Variants in CTTNBP2NL observed in about 807,000 individuals in gnomAD.
CTTNBP2NL encodes CTTNBP2 N-terminal like, also known as CTTNBP2 N-terminal-like protein.
In CTTNBP2NL, 16 loss-of-function variants were observed where a neutral mutation model predicts 32.5. That is an observed-to-expected ratio of 0.49 (90% CI 0.33 to 0.75). CTTNBP2NL has a LOEUF of 0.75. CTTNBP2NL is among the 30% of genes least tolerant of loss of function. The pLI is 0.02. For missense variants in CTTNBP2NL, 645 were observed against 756.0 expected (o/e 0.85, Z 1.72); for synonymous variants, 298 against 289.4 (o/e 1.03, Z -0.30).
intron 3 of CTTNBP2NL, among the ~76,000 whole-genome samples, chr1:112,430,721 T>A (rs1245577168): frequency 6.6e-6 from 1 of 152,010 alleles, no homozygotes; most frequent in Non-Finnish European, 1.5e-5. Flanking sequence ...GTCCAGCTAA[T>A]TTTTTTGTAT....
chr1:112,443,704 G>A (rs1209235730), intron 3 of CTTNBP2NL, among the ~76,000 whole-genome samples: 1 of 152,042 alleles, frequency 6.6e-6, no homozygotes, highest in African/African-American at 2.4e-5. Context: ...TTTAATTTTT[G>A]TACTATTTTC....
At chr1:112,447,148 C>T (rs1401052746) in intron 3 of CTTNBP2NL, among the ~76,000 whole-genome samples, 2 of 151,812 alleles carry the variant, frequency 1.3e-5, no homozygotes, top group African/African-American at 4.8e-5. Flanking sequence ...GTGGTGGGCA[C>T]CTGTAGTCCC....
chr1:112,405,806 A>G (rs1435956743), intron 1 of CTTNBP2NL, among the ~76,000 whole-genome samples: 1 of 152,224 alleles, frequency 6.6e-6, no homozygotes, highest in African/African-American at 2.4e-5. Context: ...GATATAGCAG[A>G]GTTGCATGAG....
rs1369378062 is a variant in CTTNBP2NL at position 112,400,631 on chromosome 1, A to G, written c.-134+4359A>G. Among the ~76,000 whole-genome samples the G allele has an allele frequency of 2.6e-5, 4 of 152,170 alleles. No individual in the cohort carries two copies. The South Asian group carries it at 8.3e-4, about 31-fold the overall frequency. On this transcript the variant is annotated intron_variant, in intron 1 of 5. Transcript: ENST00000271277. ...AACATGGAGAAACCCCATCTCTACT[A>G]AAAATACAAAATTAACAGGGTGTGG...
At chr1:112,422,638 T>C (rs927328599) in intron 3 of CTTNBP2NL, among the ~76,000 whole-genome samples, 1 of 152,236 alleles carries the variant, frequency 6.6e-6, no homozygotes, top group African/African-American at 2.4e-5. Flanking sequence ...CTCACCAAAC[T>C]TGGTATAGCC....
At chr1:112,412,608 C>CTTTTTT (rs35667800) in intron 2 of CTTNBP2NL, among the ~76,000 whole-genome samples, 1 of 88,922 alleles carries the variant, frequency 1.1e-5, no homozygotes, top group African/African-American at 5.5e-5. Context: ...GAGTTGGTAC[C>CTTTTTT]TTTTTTTTTT....
At chr1:112,455,676 T>A (rs1650340259) in intron 5 of CTTNBP2NL, among the ~76,000 whole-genome samples, 1 of 152,234 alleles carries the variant, frequency 6.6e-6, no homozygotes, top group Admixed American at 6.5e-5. Context: ...TCCACATACG[T>A]GAAACACAAA....
At chr1:112,418,466 T>C (rs1649128719) in intron 3 of CTTNBP2NL, among the ~76,000 whole-genome samples, 1 of 152,146 alleles carries the variant, frequency 6.6e-6, no homozygotes, top group Non-Finnish European at 1.5e-5. Context: ...ATTCAGTGTC[T>C]TGTATATTTC....
chr1:112,420,591 C>T (rs1649198775), intron 3 of CTTNBP2NL, among the ~76,000 whole-genome samples: 1 of 152,166 alleles, frequency 6.6e-6, no homozygotes. Context: ...ACCTCAGCCT[C>T]CTGAGTAACT....
chr1:112,421,158 C>G (rs936492056), intron 3 of CTTNBP2NL, among the ~76,000 whole-genome samples: 3 of 151,946 alleles, frequency 2.0e-5, no homozygotes, highest in Admixed American at 6.6e-5. Flanking sequence ...ACTAATAAGG[C>G]CAGGCACTGT....
intron 4 of CTTNBP2NL, among the ~76,000 whole-genome samples, chr1:112,451,333 A>G (rs1650212949): frequency 6.7e-6 from 1 of 148,926 alleles, no homozygotes; most frequent in African/African-American, 2.5e-5. Context: ...TCTCTGTCAC[A>G]TCTACTATTC....
intron 3 of CTTNBP2NL, among the ~76,000 whole-genome samples, chr1:112,434,405 C>T (rs957997971): frequency 1.3e-5 from 2 of 152,132 alleles, no homozygotes; most frequent in African/African-American, 4.8e-5. Context: ...GTGTGTCTTC[C>T]CTCTTTGTGT....
At position 112,458,049 on chromosome 1, in the gene CTTNBP2NL, C is replaced by G. The variant is rs553166547; in HGVS notation, c.*637C>G. On this transcript the variant is annotated 3_prime_UTR_variant, in exon 6 of 6. Transcript: ENST00000271277. ...CTTTATAGAGCCCTTGAGAAACCCT[C>G]CTGAGCACTAAGCAGTTGGGGTGCT... 6.5e-6 allele frequency: 1 copy of G among 152,756 alleles called. No individual in the cohort carries two copies. The highest frequency in any genetic ancestry group is 2.4e-5 in the African/African-American group (1 of 41,570). The allele number at this position is 152,756 out of a possible 1,614,324, so 9.5% of individuals were successfully genotyped here.
intron 3 of CTTNBP2NL, among the ~76,000 whole-genome samples, chr1:112,436,106 G>A (rs978221320): frequency 3.4e-5 from 4 of 117,616 alleles, no homozygotes; most frequent in Admixed American, 1.8e-4. Flanking sequence ...TTGCTTGTTT[G>A]TTTGTTTGTT....
chr1:112,392,042 A>G (rs1648200387), upstream of CTTNBP2NL, among the ~76,000 whole-genome samples: 2 of 149,216 alleles, frequency 1.3e-5, no homozygotes, highest in South Asian at 4.1e-4. Flanking sequence ...CTTTACACAT[A>G]ATTCCAGGAA....
intron 3 of CTTNBP2NL, among the ~76,000 whole-genome samples, chr1:112,435,939 T>C (rs1649713734): frequency 6.6e-6 from 1 of 152,140 alleles, no homozygotes; most frequent in African/African-American, 2.4e-5. Context: ...CATACAAAAA[T>C]ATTATTTCCC....
At chr1:112,412,059 G>A (rs1459295747) in intron 1 of CTTNBP2NL, 135 bp from the exon 2 acceptor site, 1 of 152,124 alleles carries the variant, frequency 6.6e-6, no homozygotes, top group African/African-American at 2.4e-5. Context: ...TGAAGAACTG[G>A]CTGTTTTCTT....
intron 3 of CTTNBP2NL, among the ~76,000 whole-genome samples, chr1:112,424,671 T>C (rs1310967844): frequency 6.6e-6 from 1 of 152,192 alleles, no homozygotes; most frequent in Non-Finnish European, 1.5e-5. Context: ...TCATCATTTA[T>C]TTAGGTTGTC....
intron 1 of CTTNBP2NL, among the ~76,000 whole-genome samples, chr1:112,397,128 C>T (rs2488762): frequency 0.45 from 68,754 of 152,100 alleles, 18,256 homozygotes; most frequent in African/African-American, 0.75. Context: ...ATCTGCAGAG[C>T]TGGCTTTGTG....
Sources: allele counts gnomAD v4.1 joint callset (sites outside exome capture counted in the v4.1 genomes callset), GRCh38; gene constraint gnomAD v4.1.1; transcripts MANE v1.5; gene names NCBI Gene and HGNC (gene_info 2026-07-23, HGNC 2026-07-21).